PCDH9: variants seen among roughly 807,000 people sequenced by gnomAD.
PCDH9 encodes the protein protocadherin-9.
In PCDH9, 24 loss-of-function variants were observed where a neutral mutation model predicts 70.6. That is an observed-to-expected ratio of 0.34 (90% CI 0.25 to 0.48). The LOEUF is 0.48. Ranked by LOEUF, PCDH9 falls within the 20% of genes least tolerant of loss-of-function variation. PCDH9 has a pLI of 0.99. For synonymous variants in PCDH9, 562 were observed against 558.5 expected, an observed-to-expected ratio of 1.01 and a Z score of -0.09; for missense variants, 1,281 against 1,503.6, an observed-to-expected ratio of 0.85 and a Z score of 2.45.
intron 4 of PCDH9, among the ~76,000 whole-genome samples, chr13:66,570,039 C>G (rs2076710841): frequency 6.6e-6 from 1 of 151,914 alleles, no homozygotes; most frequent in African/African-American, 2.4e-5. Flanking sequence ...GTGAATGACT[C>G]AAAGAACTGC....
intron 3 of PCDH9, among the ~76,000 whole-genome samples, chr13:66,785,411 C>G (rs2080063682): frequency 6.6e-6 from 1 of 151,802 alleles, no homozygotes; most frequent in East Asian, 1.9e-4. Flanking sequence ...CGTACCTTTA[C>G]TCAAAAAGGT....
intron 2 of PCDH9, among the ~76,000 whole-genome samples, chr13:67,169,700 A>G (rs549523990): frequency 2.0e-5 from 3 of 152,348 alleles, no homozygotes; most frequent in African/African-American, 7.2e-5. Flanking sequence ...AACAAAGTGT[A>G]TCTGTATTTT....
intron 3 of PCDH9, among the ~76,000 whole-genome samples, chr13:66,690,007 C>T (rs1007818373): frequency 1.3e-5 from 2 of 152,102 alleles, no homozygotes; most frequent in Non-Finnish European, 2.9e-5. Context: ...ATTTGATGAG[C>T]ATTATCTTAG....
chr13:66,838,437 TA>T (rs1303482686), intron 3 of PCDH9, among the ~76,000 whole-genome samples: 1 of 152,100 alleles, frequency 6.6e-6, no homozygotes, highest in Non-Finnish European at 1.5e-5. Context: ...TGTCTATAAA[TA>T]AAATAAATAC....
intron 4 of PCDH9, among the ~76,000 whole-genome samples, chr13:66,308,091 G>A (rs1026421629): frequency 6.6e-6 from 1 of 152,080 alleles, no homozygotes; most frequent in African/African-American, 2.4e-5. Context: ...AGAGCAGTGA[G>A]CTGAGAGGGA....
At chr13:66,532,000 T>G (rs1279111066) in intron 4 of PCDH9, among the ~76,000 whole-genome samples, 1 of 152,260 alleles carries the variant, frequency 6.6e-6, no homozygotes, top group Admixed American at 6.5e-5. Flanking sequence ...TTTGTTTTTG[T>G]TTGAGAGACA....
At chr13:66,753,484 T>A (rs1331527741) in intron 3 of PCDH9, among the ~76,000 whole-genome samples, 2 of 152,182 alleles carry the variant, frequency 1.3e-5, no homozygotes, top group Non-Finnish European at 2.9e-5. Context: ...TATATGTTAA[T>A]GAAAATTATT....
intron 3 of PCDH9, among the ~76,000 whole-genome samples, chr13:66,659,553 T>TGTGTGTGTGTGTGTG (rs59132032): frequency 0.04 from 5,882 of 148,744 alleles, 205 homozygotes; most frequent in African/African-American, 0.08. Flanking sequence ...GTGTGTGTGT[T>TGTGTGTGTGTGTGTG]TGTGTGTGTT....
intron 2 of PCDH9, among the ~76,000 whole-genome samples, chr13:67,013,062 A>G (rs118118256): frequency 6.6e-6 from 1 of 151,966 alleles, no homozygotes; most frequent in Non-Finnish European, 1.5e-5. Flanking sequence ...AGCTGTGATC[A>G]TATAGTAGTC....
chr13:66,768,199 T>TTAAA (rs1267356485), intron 3 of PCDH9, among the ~76,000 whole-genome samples: 1 of 152,096 alleles, frequency 6.6e-6, no homozygotes, highest in East Asian at 1.9e-4. Flanking sequence ...TAGCTGTCCA[T>TTAAA]TAAATGTGTA....
intron 4 of PCDH9, among the ~76,000 whole-genome samples, chr13:66,463,507 T>G (rs1958462498): frequency 6.6e-6 from 1 of 151,886 alleles, no homozygotes; most frequent in Non-Finnish European, 1.5e-5. Flanking sequence ...AAACAAGGTC[T>G]GTCAAACAGG....
chr13:67,201,329 T>C (rs987738982), intron 2 of PCDH9: 2 of 152,074 alleles, frequency 1.3e-5, no homozygotes, highest in Non-Finnish European at 2.9e-5. Context: ...CATTTTGATA[T>C]ACAACTCTTT....
At chr13:67,074,855 T>A (rs1434363904) in intron 2 of PCDH9, among the ~76,000 whole-genome samples, 1 of 152,144 alleles carries the variant, frequency 6.6e-6, no homozygotes, top group Non-Finnish European at 1.5e-5. Flanking sequence ...AATTTTTTAA[T>A]AGATTTATTG....
chr13:66,683,472 C>T (rs888697083), intron 3 of PCDH9, among the ~76,000 whole-genome samples: 3 of 152,192 alleles, frequency 2.0e-5, no homozygotes, highest in Non-Finnish European at 4.4e-5. Flanking sequence ...CATTTAGCTA[C>T]TGCAAGAACC....
At chr13:66,565,007 C>T (rs2138721173) in intron 4 of PCDH9, among the ~76,000 whole-genome samples, 1 of 152,070 alleles carries the variant, frequency 6.6e-6, no homozygotes, top group African/African-American at 2.4e-5. Flanking sequence ...GGAAGCTATA[C>T]AAATATAATG....
chr13:67,100,924 A>C (rs145921095), intron 2 of PCDH9, among the ~76,000 whole-genome samples: 156 of 152,332 alleles, frequency 1.0e-3, no homozygotes, highest in African/African-American at 3.2e-3. Flanking sequence ...CACTCAAAAA[A>C]AATGGGTGTG....
chr13:66,713,044 A>T (rs1053962861), intron 3 of PCDH9, among the ~76,000 whole-genome samples: 6 of 152,182 alleles, frequency 3.9e-5, no homozygotes, highest in African/African-American at 9.6e-5. Flanking sequence ...CGTGTTAGTT[A>T]TCCAACATTC....
chr13:67,110,514 CA>C (rs67490405), intron 2 of PCDH9, among the ~76,000 whole-genome samples: 11,984 of 78,216 alleles, frequency 0.15, 287 homozygotes, highest in African/African-American at 0.19. Context: ...CACTCCATCT[CA>C]AAAAAAAAAA....
intron 3 of PCDH9, among the ~76,000 whole-genome samples, chr13:66,678,409 GA>G (rs1566500132): frequency 2.0e-5 from 3 of 151,980 alleles, no homozygotes; most frequent in Admixed American, 1.3e-4. Context: ...TCTAAGACTG[GA>G]AAACTTCCAA....
Sources: gnomAD v4.1 joint callset for allele counts (sites outside exome capture counted in the v4.1 genomes callset) on GRCh38, gnomAD v4.1.1 for gene constraint, MANE v1.5 for transcripts, NCBI Gene and HGNC (gene_info 2026-07-23, HGNC 2026-07-21) for gene names.